Variants in CSMD1 observed in about 807,000 individuals in gnomAD.
The protein encoded by CSMD1 is CUB and sushi domain-containing protein 1.
In CSMD1, 213 loss-of-function variants were observed where a neutral mutation model predicts 417.5. The ratio of observed to expected loss-of-function variants is 0.51; its 90% CI spans 0.46 to 0.57. CSMD1 has a LOEUF of 0.57. Among genes scored for constraint, CSMD1 ranks in the 20% least tolerant of loss-of-function variants. The probability of loss-of-function intolerance (pLI) is 0.00; values close to 1 mark genes in which losing one functional copy is unlikely to be tolerated. For missense variants in CSMD1, 6,923 were observed against 4,529.7 expected, an observed-to-expected ratio of 1.53 and a Z score of -15.17; for synonymous variants, 2,862 against 1,736.8, an observed-to-expected ratio of 1.65 and a Z score of -16.11.
intron 1 of CSMD1, among the ~76,000 whole-genome samples, chr8:4,676,689 G>A (rs368054859): frequency 2.0e-5 from 3 of 151,922 alleles, no homozygotes; most frequent in Non-Finnish European, 2.9e-5. Flanking sequence ...CCTATGTAGC[G>A]TATCAATGTC....
intron 2 of CSMD1, among the ~76,000 whole-genome samples, chr8:4,502,221 A>C (rs1242597622): frequency 6.6e-6 from 1 of 152,160 alleles, no homozygotes; most frequent in East Asian, 1.9e-4. Flanking sequence ...ATTGCAGTAG[A>C]ATGAGCAGAA....
chr8:3,762,865 A>G (rs1161327055), intron 5 of CSMD1, among the ~76,000 whole-genome samples: 1 of 152,224 alleles, frequency 6.6e-6, no homozygotes, highest in African/African-American at 2.4e-5. Context: ...CACGGTGGAC[A>G]GTGTGAGGAA....
chr8:4,308,231 C>T (rs986881544), intron 3 of CSMD1, among the ~76,000 whole-genome samples: 2 of 151,862 alleles, frequency 1.3e-5, no homozygotes, highest in Admixed American at 1.3e-4. Context: ...GTGTGGTATG[C>T]AGTCATGTAT....
At chr8:4,750,155 G>T (rs1044781145) in intron 1 of CSMD1, among the ~76,000 whole-genome samples, 6 of 151,928 alleles carry the variant, frequency 3.9e-5, no homozygotes, top group Admixed American at 2.6e-4. Context: ...ACAGGCGCCC[G>T]CCACCACGCC....
At chr8:4,384,735 A>C (rs1337395371) in intron 3 of CSMD1, among the ~76,000 whole-genome samples, 1 of 152,156 alleles carries the variant, frequency 6.6e-6, no homozygotes, top group African/African-American at 2.4e-5. Context: ...CTATGGAGCA[A>C]TGTTGTGCCA....
At chr8:3,086,748 A>G (rs564271519) in intron 49 of CSMD1, among the ~76,000 whole-genome samples, 22 of 152,328 alleles carry the variant, frequency 1.4e-4, no homozygotes, top group Non-Finnish European at 3.1e-4. Flanking sequence ...AATAAAGAAA[A>G]TGAGTTTTCC....
At chr8:4,480,249 T>A (rs1000122994) in intron 2 of CSMD1, among the ~76,000 whole-genome samples, 4 of 151,430 alleles carry the variant, frequency 2.6e-5, no homozygotes, top group Admixed American at 6.6e-5. Flanking sequence ...AAAGCAGGAC[T>A]TCTCATGTCT....
intron 2 of CSMD1, among the ~76,000 whole-genome samples, chr8:4,607,377 G>T (rs1318050422): frequency 6.6e-6 from 1 of 152,238 alleles, no homozygotes; most frequent in South Asian, 2.1e-4. Context: ...GAATAATACG[G>T]AGTAGTTGCT....
chr8:4,172,124 G>T (rs1360166404), intron 3 of CSMD1, among the ~76,000 whole-genome samples: 1 of 152,112 alleles, frequency 6.6e-6, no homozygotes, highest in Non-Finnish European at 1.5e-5. Flanking sequence ...TTCAGTAGGT[G>T]CATGACTACC....
intron 3 of CSMD1, among the ~76,000 whole-genome samples, chr8:4,067,359 G>A (rs1408052409): frequency 2.0e-5 from 3 of 152,320 alleles, no homozygotes; most frequent in African/African-American, 7.2e-5. Flanking sequence ...GAATTTTAAA[G>A]TGATTCGGGA....
intron 1 of CSMD1, among the ~76,000 whole-genome samples, chr8:4,835,297 C>A (rs12674880): frequency 0.84 from 127,618 of 151,784 alleles, 55,917 homozygotes; most frequent in East Asian, 0.98. Context: ...TCGGAGATTA[C>A]GTTTGAAAAG....
chr8:4,248,909 T>C (rs1671478746), intron 3 of CSMD1, among the ~76,000 whole-genome samples: 1 of 152,172 alleles, frequency 6.6e-6, no homozygotes, highest in African/African-American at 2.4e-5. Context: ...ATTTAGACCA[T>C]ATTGAGAATG....
chr8:4,743,991 G>A (rs1352668519), intron 1 of CSMD1, among the ~76,000 whole-genome samples: 4 of 152,206 alleles, frequency 2.6e-5, no homozygotes, highest in Non-Finnish European at 4.4e-5. Context: ...ACAAACGTGT[G>A]TTAAAGTCAC....
At chr8:4,019,744 T>C (rs1796697187) in intron 4 of CSMD1, among the ~76,000 whole-genome samples, 1 of 152,090 alleles carries the variant, frequency 6.6e-6, no homozygotes, top group Non-Finnish European at 1.5e-5. Context: ...GTTGTAGAAG[T>C]AGTTTTCCCA....
intron 5 of CSMD1, among the ~76,000 whole-genome samples, chr8:3,870,814 C>A (rs1213519305): frequency 6.6e-6 from 1 of 152,080 alleles, no homozygotes; most frequent in Non-Finnish European, 1.5e-5. Flanking sequence ...AAAACATACA[C>A]AGGAGAGAAA....
chr8:3,972,200 A>G (rs1462220188), intron 5 of CSMD1, among the ~76,000 whole-genome samples: 2 of 151,966 alleles, frequency 1.3e-5, no homozygotes, highest in African/African-American at 4.8e-5. Context: ...ATTTCCTATC[A>G]CTTTGTTGAA....
chr8:4,570,645 A>T (rs949627967), intron 2 of CSMD1, among the ~76,000 whole-genome samples: 4 of 152,160 alleles, frequency 2.6e-5, no homozygotes, highest in African/African-American at 9.7e-5. Context: ...TATTTGGATG[A>T]TGCTGGCCTC....
intron 3 of CSMD1, among the ~76,000 whole-genome samples, chr8:4,108,071 G>A (rs12544745): frequency 0.21 from 109 of 512 alleles, no homozygotes; most frequent in African/African-American, 0.36. Flanking sequence ...CAGAGACAGA[G>A]ACAGAGAGAG....
At chr8:4,209,738 G>T (rs945271202) in intron 3 of CSMD1, among the ~76,000 whole-genome samples, 1 of 152,168 alleles carries the variant, frequency 6.6e-6, no homozygotes, top group Non-Finnish European at 1.5e-5. Context: ...CAGATGTCCT[G>T]CTCCTAGCAC....
Sources: gnomAD v4.1 joint callset for allele counts (sites outside exome capture counted in the v4.1 genomes callset) on GRCh38, gnomAD v4.1.1 for gene constraint, MANE v1.5 for transcripts, NCBI Gene and HGNC (gene_info 2026-07-23, HGNC 2026-07-21) for gene names.